Variants in MAP2K1 observed in about 807,000 individuals in gnomAD.
The protein encoded by MAP2K1 is dual specificity mitogen-activated protein kinase kinase 1.
A neutral mutation model predicts 46.3 loss-of-function variants in MAP2K1; 16 were observed. That is an observed-to-expected ratio of 0.35 (90% CI 0.23 to 0.52). MAP2K1 has a LOEUF of 0.52. Ranked by LOEUF, MAP2K1 falls within the 20% of genes least tolerant of loss-of-function variation. The probability of loss-of-function intolerance (pLI) is 0.94; values close to 1 mark genes in which losing one functional copy is unlikely to be tolerated. For missense variants in MAP2K1, 263 were observed against 497.1 expected (o/e 0.53, Z 4.48); for synonymous variants, 183 against 185.6 (o/e 0.99, Z 0.11).
chr15:66,409,461 G>A (rs1389340053), intron 1 of MAP2K1, among the ~76,000 whole-genome samples: 1 of 152,126 alleles, frequency 6.6e-6, no homozygotes, highest in Non-Finnish European at 1.5e-5. Context: ...AGCAAATGCT[G>A]GTCTCCTTGA....
chr15:66,404,753 G>A (rs1049456304), intron 1 of MAP2K1, among the ~76,000 whole-genome samples: 2 of 152,194 alleles, frequency 1.3e-5, no homozygotes, highest in Non-Finnish European at 2.9e-5. Flanking sequence ...TCCTGAAGGA[G>A]GGTGAGAGCT....
At chr15:66,478,389 GAT>G (rs1259964620) in intron 5 of MAP2K1, among the ~76,000 whole-genome samples, 3 of 94,098 alleles carry the variant, frequency 3.2e-5, no homozygotes, top group African/African-American at 1.1e-4. Context: ...TATATACACA[GAT>G]ATGTGTGTGT....
At chr15:66,420,715 ATATATATGTG>A (rs1282276772) in intron 1 of MAP2K1, among the ~76,000 whole-genome samples, 1 of 33,990 alleles carries the variant, frequency 2.9e-5, no homozygotes, top group Non-Finnish European at 6.3e-5. Flanking sequence ...GCATATATAT[ATATATATGTG>A]TGTGTGTGTG....
At chr15:66,456,577 C>T (rs1274099207) in intron 5 of MAP2K1, among the ~76,000 whole-genome samples, 1 of 152,208 alleles carries the variant, frequency 6.6e-6, no homozygotes, top group Non-Finnish European at 1.5e-5. Context: ...GCCCCAGACA[C>T]ATCTAGTCCT....
At chr15:66,396,109 C>T (rs1274646591) in intron 1 of MAP2K1, among the ~76,000 whole-genome samples, 2 of 149,722 alleles carry the variant, frequency 1.3e-5, no homozygotes, top group African/African-American at 4.9e-5. Flanking sequence ...CGGGTTCAAG[C>T]GATTCTCCTG....
At chr15:66,460,064 A>G (rs1892280159) in intron 5 of MAP2K1, among the ~76,000 whole-genome samples, 2 of 152,186 alleles carry the variant, frequency 1.3e-5, no homozygotes, top group African/African-American at 4.8e-5. Context: ...TATATACACA[A>G]GGTGCTCCTG....
At chr15:66,398,129 G>A (rs1487765379) in intron 1 of MAP2K1, among the ~76,000 whole-genome samples, 5 of 151,372 alleles carry the variant, frequency 3.3e-5, no homozygotes, top group African/African-American at 1.2e-4. Flanking sequence ...ATAAGGGTGG[G>A]CATGGTGGCA....
At chr15:66,388,353 A>T (rs985900987) in intron 1 of MAP2K1, among the ~76,000 whole-genome samples, 2 of 152,158 alleles carry the variant, frequency 1.3e-5, no homozygotes, top group Admixed American at 1.3e-4. Context: ...GCCAGAAAAG[A>T]TTAGGTTATT....
chr15:66,429,608 G>A (rs1414079855), intron 1 of MAP2K1, among the ~76,000 whole-genome samples: 3 of 148,120 alleles, frequency 2.0e-5, no homozygotes, highest in African/African-American at 7.5e-5. Flanking sequence ...GGTATAGAAC[G>A]CCTTCCCCAA....
At chr15:66,417,310 C>T (rs2093426890) in intron 1 of MAP2K1, among the ~76,000 whole-genome samples, 1 of 152,156 alleles carries the variant, frequency 6.6e-6, no homozygotes, top group Admixed American at 6.5e-5. Context: ...TGTCTTACGC[C>T]TGTAATCCCC....
chr15:66,459,756 C>T (rs1350587306), intron 5 of MAP2K1, among the ~76,000 whole-genome samples: 1 of 152,192 alleles, frequency 6.6e-6, no homozygotes, highest in African/African-American at 2.4e-5. Flanking sequence ...CTAAATTCTT[C>T]CTCTCCATTC....
At chr15:66,459,446 G>A (rs1263148384) in intron 5 of MAP2K1, among the ~76,000 whole-genome samples, 4 of 151,600 alleles carry the variant, frequency 2.6e-5, no homozygotes, top group Admixed American at 1.3e-4. Context: ...GTGAAACCCC[G>A]TCTCTACTAA....
chr15:66,437,990 T>C (rs1387952226), intron 3 of MAP2K1, among the ~76,000 whole-genome samples: 1 of 151,622 alleles, frequency 6.6e-6, no homozygotes, highest in Non-Finnish European at 1.5e-5. Context: ...CTCAGGGAGC[T>C]GTTTCTTATC....
intron 5 of MAP2K1, among the ~76,000 whole-genome samples, chr15:66,457,358 G>A (rs1247551168): frequency 6.6e-6 from 1 of 152,166 alleles, no homozygotes. Context: ...GGGCTCAAGT[G>A]ATCCACCTGC....
At chr15:66,475,798 T>C (rs1297197783) in intron 5 of MAP2K1, among the ~76,000 whole-genome samples, 1 of 152,192 alleles carries the variant, frequency 6.6e-6, no homozygotes, top group African/African-American at 2.4e-5. Flanking sequence ...GTGCACATGT[T>C]CTTGTCATTT....
chr15:66,389,030 C>T (rs1411623788), intron 1 of MAP2K1, among the ~76,000 whole-genome samples: 5 of 151,674 alleles, frequency 3.3e-5, no homozygotes, highest in Admixed American at 3.3e-4. Flanking sequence ...CCTCAGCCTC[C>T]CGAGTAGCTG....
chr15:66,472,610 C>T (rs897017464), intron 5 of MAP2K1, among the ~76,000 whole-genome samples: 2 of 152,180 alleles, frequency 1.3e-5, no homozygotes, highest in African/African-American at 4.8e-5. Flanking sequence ...TTGTGTCAGT[C>T]TCCACCTTAA....
At chr15:66,419,709 T>C (rs973187954) in intron 1 of MAP2K1, among the ~76,000 whole-genome samples, 1 of 152,082 alleles carries the variant, frequency 6.6e-6, no homozygotes, top group African/African-American at 2.4e-5. Flanking sequence ...CTCCTCTGTG[T>C]GTGTGTATGT....
intron 1 of MAP2K1, among the ~76,000 whole-genome samples, chr15:66,393,867 T>C (rs996347794): frequency 3.9e-5 from 6 of 152,238 alleles, no homozygotes; most frequent in African/African-American, 9.6e-5. Flanking sequence ...TGTTGAAATG[T>C]CTCTTCACAG....
Sources: allele counts gnomAD v4.1 joint callset (sites outside exome capture counted in the v4.1 genomes callset), GRCh38; gene constraint gnomAD v4.1.1; transcripts MANE v1.5; gene names NCBI Gene and HGNC (gene_info 2026-07-23, HGNC 2026-07-21).